PRDM6: variants seen among roughly 807,000 people sequenced by gnomAD.
The protein encoded by PRDM6 is PR/SET domain 6.
PRDM6 carries 25 observed loss-of-function variants against 60.8 expected under a neutral mutation model. That is an observed-to-expected ratio of 0.41 (90% CI 0.30 to 0.57). The LOEUF (loss-of-function observed/expected upper bound fraction) is 0.57. Among genes scored for constraint, PRDM6 ranks in the 20% least tolerant of loss-of-function variants. PRDM6 has a pLI of 0.27. For missense variants in PRDM6, 839 were observed against 821.3 expected, an observed-to-expected ratio of 1.02 and a Z score of -0.26; for synonymous variants, 407 against 357.4, an observed-to-expected ratio of 1.14 and a Z score of -1.57.
chr5:123,180,365 T>A, intron 7 of PRDM6, 42 bp downstream of exon 7: 1 of 1,507,878 alleles, frequency 6.6e-7, no homozygotes, highest in Non-Finnish European at 8.9e-7. Context: ...TCTCTTAGCC[T>A]TTCCCAAGAG....
At chr5:123,092,332 T>G in intron 2 of PRDM6, among the ~76,000 whole-genome samples, 1 of 152,222 alleles carries the variant, frequency 6.6e-6, no homozygotes. Flanking sequence ...CATTGCAGGC[T>G]GAGAATGCTT....
intron 3 of PRDM6, among the ~76,000 whole-genome samples, chr5:123,138,032 C>T (rs918438882): frequency 1.2e-4 from 18 of 151,760 alleles, no homozygotes; most frequent in Non-Finnish European, 1.5e-4. Context: ...GGTTCACCCC[C>T]GCACCTTTCA....
Position 123,190,964 on chromosome 5 carries a change from C to T in PRDM6, c.*3763C>T, listed in dbSNP as rs1164575496. Reference sequence around the variant, plus strand: ...TGAGAGAGGTAAATTCATCTGGGGACCAGAAAATAGCATATTGCAAAACAA... The same window carrying T: ...TGAGAGAGGTAAATTCATCTGGGGATCAGAAAATAGCATATTGCAAAACAA... On this transcript the variant is annotated 3_prime_UTR_variant, in exon 8 of 8. Transcript: ENST00000407847. 1 of 152,116 alleles carries T rather than the reference C, an allele frequency of 6.6e-6. No homozygotes were observed. The highest frequency in any genetic ancestry group is 1.5e-5 in the Non-Finnish European group (1 of 68,028). The allele number at this position is 152,116 out of a possible 1,614,324, so 9.4% of individuals were successfully genotyped here. A position where few individuals can be genotyped will look rare whatever the true frequency, so the allele number is the denominator to read the frequency against.
chr5:123,180,878 A>G (rs536192381), intron 7 of PRDM6, among the ~76,000 whole-genome samples: 206 of 152,316 alleles, frequency 1.4e-3, no homozygotes, highest in African/African-American at 4.7e-3. Context: ...TAGAATTACC[A>G]TGTTGGTGAA....
intron 3 of PRDM6, among the ~76,000 whole-genome samples, chr5:123,150,069 C>G (rs1475088295): frequency 6.6e-6 from 1 of 152,140 alleles, no homozygotes; most frequent in African/African-American, 2.4e-5. Context: ...TAGTGTTGGT[C>G]TAAGGCTGGC....
intron 3 of PRDM6, among the ~76,000 whole-genome samples, chr5:123,136,472 T>A (rs563377604): frequency 3.3e-5 from 5 of 152,144 alleles, no homozygotes; most frequent in Non-Finnish European, 5.9e-5. Context: ...TCTTTTATTT[T>A]GTAGAAAGAA....
intron 7 of PRDM6, 47 bp downstream of exon 7, chr5:123,180,370 C>G: frequency 6.7e-7 from 1 of 1,502,062 alleles, no homozygotes; most frequent in South Asian, 1.3e-5. Context: ...TAGCCTTTCC[C>G]AAGAGCCAGC....
rs202091143 is a variant in PRDM6 at position 123,107,970 on chromosome 5, A to AT, written c.900+8017dup. Among the ~76,000 whole-genome samples the AT allele has an allele frequency of 3.4e-3, 518 of 152,076 alleles. 1 individual carries two copies. Among genetic ancestry groups the AT allele is most frequent in the African/African-American group, 0.012 (481 of 41,474 alleles). On this transcript the variant is annotated intron_variant, in intron 3 of 7. Coordinates refer to ENST00000407847, the MANE Select transcript of PRDM6 (RefSeq NM_001136239.4). ...GATATTATCTCCTCATTTTTAATTA[A>AT]TTTTTTTTCACAGCATTTCTGGTTT...
intron 7 of PRDM6, among the ~76,000 whole-genome samples, chr5:123,180,664 G>T (rs1006124447): frequency 5.3e-5 from 8 of 152,122 alleles, no homozygotes; most frequent in Non-Finnish European, 8.8e-5. Context: ...ATCTAGGAGC[G>T]ACACAGAGCT....
In PRDM6 at chr5:123,188,745, G is replaced by A. The variant is rs1766342025; in HGVS notation, c.*1544G>A. 6.6e-6 allele frequency: 1 copy of A among 152,020 alleles called. No homozygotes were observed. Among genetic ancestry groups the A allele is most frequent in the Non-Finnish European group, 1.5e-5 (1 of 68,020 alleles). The allele number at this position is 152,020 out of a possible 1,614,324, so 9.4% of individuals were successfully genotyped here. A position where few individuals can be genotyped will look rare whatever the true frequency, so the allele number is the denominator to read the frequency against. On this transcript the variant is annotated 3_prime_UTR_variant, in exon 8 of 8. Coordinates refer to ENST00000407847, the MANE Select transcript of PRDM6 (RefSeq NM_001136239.4). ...ACATAACTGAACTCACTACTAAAAG[G>A]CAAGGATACTGTGTGGTTTAGTTTA...
rs1009709327 is a variant in PRDM6 at position 123,191,225 on chromosome 5, C to G, written c.*4024C>G. 1.3e-5 allele frequency: 2 copies of G among 152,054 alleles called. No individual in the cohort carries two copies. The highest frequency in any genetic ancestry group is 4.8e-5 in the African/African-American group (2 of 41,386). 9.4% of individuals were successfully genotyped at this position (152,054 alleles called of 1,614,324 possible). ...AGCGTTGGCAGTGTAGTCCCTTTCCCCGGTGTGCAGAAGTAACATTATTTG... is the reference window on the plus strand; with the variant it reads ...AGCGTTGGCAGTGTAGTCCCTTTCCGCGGTGTGCAGAAGTAACATTATTTG... On this transcript the variant is annotated 3_prime_UTR_variant, in exon 8 of 8. Coordinates refer to ENST00000407847, the MANE Select transcript of PRDM6 (RefSeq NM_001136239.4).
intron 3 of PRDM6, among the ~76,000 whole-genome samples, chr5:123,132,716 G>A (rs547292097): frequency 1.4e-5 from 2 of 143,518 alleles, no homozygotes; most frequent in East Asian, 3.9e-4. Flanking sequence ...ATGTGTATAT[G>A]CAGGTCAATA....
At chr5:123,181,911 C>T (rs763451636) in intron 7 of PRDM6, among the ~76,000 whole-genome samples, 1 of 152,212 alleles carries the variant, frequency 6.6e-6, no homozygotes. Flanking sequence ...CCCTCTTCTC[C>T]TCAATAATTA....
intron 3 of PRDM6, among the ~76,000 whole-genome samples, chr5:123,117,220 C>T (rs1257901677): frequency 6.6e-6 from 1 of 151,972 alleles, no homozygotes; most frequent in African/African-American, 2.4e-5. Context: ...CAGAGTAACT[C>T]TAGGGTTATG....
chr5:123,119,027 A>G (rs1197767768), intron 3 of PRDM6, among the ~76,000 whole-genome samples: 1 of 152,188 alleles, frequency 6.6e-6, no homozygotes, highest in East Asian at 1.9e-4. Flanking sequence ...ACAAAAAACA[A>G]AGAAGACCCC....
At chr5:123,118,141 A>G (rs1764499357) in intron 3 of PRDM6, among the ~76,000 whole-genome samples, 2 of 152,178 alleles carry the variant, frequency 1.3e-5, no homozygotes, top group Non-Finnish European at 2.9e-5. Flanking sequence ...AGGTGAGTCA[A>G]CTCAAGCCTC....
At chr5:123,131,442 C>G in intron 3 of PRDM6, among the ~76,000 whole-genome samples, 1 of 152,122 alleles carries the variant, frequency 6.6e-6, no homozygotes, top group East Asian at 1.9e-4. Context: ...CACATATATT[C>G]TATAAATATG....
At chr5:123,175,939 C>G (rs1765997802) in intron 6 of PRDM6, among the ~76,000 whole-genome samples, 1 of 152,112 alleles carries the variant, frequency 6.6e-6, no homozygotes, top group Admixed American at 6.6e-5. Flanking sequence ...GCAAGATTGT[C>G]TCTCTGCCTT....
At chr5:123,109,833 T>C (rs1420806616) in intron 3 of PRDM6, among the ~76,000 whole-genome samples, 1 of 152,160 alleles carries the variant, frequency 6.6e-6, no homozygotes, top group African/African-American at 2.4e-5. Context: ...CTCAGTAACA[T>C]CCAGAAAAAT....
Sources: gnomAD v4.1 joint callset for allele counts (sites outside exome capture counted in the v4.1 genomes callset) on GRCh38, gnomAD v4.1.1 for gene constraint, MANE v1.5 for transcripts, NCBI Gene and HGNC (gene_info 2026-07-23, HGNC 2026-07-21) for gene names.